MOCOS: variants seen among roughly 807,000 people sequenced by gnomAD.
MOCOS encodes human molybdenum cofactor sulfurase.
In MOCOS, 86 loss-of-function variants were observed where a neutral mutation model predicts 83.6. The ratio of observed to expected loss-of-function variants is 1.03; its 90% CI spans 0.86 to 1.23. The LOEUF (loss-of-function observed/expected upper bound fraction) is 1.23. Among genes scored for constraint, MOCOS ranks in the 50% most tolerant of loss-of-function variants. The pLI, the probability that MOCOS is intolerant of heterozygous loss-of-function variation, is 0.00. For synonymous variants in MOCOS, 445 were observed against 434.7 expected (o/e 1.02, Z -0.29); for missense variants, 1,120 against 1,126.9 (o/e 0.99, Z 0.09).
Position 36,195,289 on chromosome 18 carries a change from T to C in MOCOS, c.175T>C (p.Leu59=), listed in dbSNP as rs544078525. 1.9e-6 allele frequency: 3 copies of C among 1,614,210 alleles called. No homozygotes were observed. The East Asian group carries it at 6.7e-5, about 36-fold the overall frequency. ...TVYLDHAGAT[L]FSQSQLESFT... is the part of the protein sequence containing the mutation. ...CTATCTTGACCATGCAGGTGCCACC[T>C]TGTTCTCCCAGAGCCAGCTCGAAAG... Residue 59 remains leucine, a synonymous_variant, in exon 2 of 15, where the codon TTG becomes CTG. Transcript: ENST00000261326.
intron 6 of MOCOS, among the ~76,000 whole-genome samples, chr18:36,210,850 C>CAAAAAAAAAAAAAAAAAAAAAAAAAA (rs60856965): frequency 4.0e-4 from 19 of 48,064 alleles, no homozygotes; most frequent in Non-Finnish European, 5.7e-4. Context: ...GACTCTGTCT[C>CAAAAAAAAAAAAAAAAAAAAAAAAAA]AAAAAAAAAA....
rs916782002 is a variant in MOCOS, at chr18:36,269,069, C to T, written c.*384C>T. On this transcript the variant is annotated 3_prime_UTR_variant, in exon 15 of 15. Transcript: ENST00000261326. The stretch of plus-strand genomic sequence containing the variant: ...TTGTTTTTAGAGAGCATCTTTGGAT[C>T]TCTCCAACCCGTTTGTAGTGAGGAA... 3.6e-6 allele frequency: 1 copy of T among 274,684 alleles called. No individual in the cohort carries two copies. Among genetic ancestry groups the T allele is most frequent in the Non-Finnish European group, 7.0e-6 (1 of 142,076 alleles). 17.0% of individuals were successfully genotyped at this position (274,684 alleles called of 1,614,324 possible). A position where few individuals can be genotyped will look rare whatever the true frequency, so the allele number is the denominator to read the frequency against.
intron 4 of MOCOS, 52 bp from the exon 5 acceptor site, chr18:36,203,061 A>G: frequency 1.3e-6 from 2 of 1,538,722 alleles, no homozygotes; most frequent in East Asian, 2.2e-5. Flanking sequence ...CGAAATGCAC[A>G]TGGATTGTTT....
intron 5 of MOCOS, among the ~76,000 whole-genome samples, 154 bp from the exon 6 acceptor site, chr18:36,204,923 G>A (rs138388704): frequency 6.6e-6 from 1 of 150,550 alleles, no homozygotes; most frequent in Non-Finnish European, 1.5e-5. Context: ...AGCCCAGGAG[G>A]TTGAGGCTGC....
At chr18:36,201,221 C>T (rs376660696) in intron 4 of MOCOS, among the ~76,000 whole-genome samples, 1 of 152,186 alleles carries the variant, frequency 6.6e-6, no homozygotes, top group Non-Finnish European at 1.5e-5. Flanking sequence ...GGGTCCTGCA[C>T]GTAGGGCCAT....
chr18:36,241,719 C>A (rs965696071), intron 9 of MOCOS, among the ~76,000 whole-genome samples: 6 of 152,252 alleles, frequency 3.9e-5, no homozygotes, highest in African/African-American at 1.4e-4. Context: ...GTGCAGACTT[C>A]TGTCTGGATA....
At chr18:36,223,659 T>C (rs2144925302) in intron 9 of MOCOS, among the ~76,000 whole-genome samples, 1 of 152,332 alleles carries the variant, frequency 6.6e-6, no homozygotes, top group South Asian at 2.1e-4. Context: ...AGGGATTGCA[T>C]TGAATCTGCG....
intron 11 of MOCOS, among the ~76,000 whole-genome samples, chr18:36,251,707 TCTATAGAC>T (rs2091623067): frequency 6.6e-6 from 1 of 152,172 alleles, no homozygotes; most frequent in Non-Finnish European, 1.5e-5. Flanking sequence ...TGCCTCAACT[TCTATAGAC>T]CTCAGCTCCT....
At chr18:36,260,580 G>A (rs2091660347) in intron 13 of MOCOS, among the ~76,000 whole-genome samples, 2 of 152,114 alleles carry the variant, frequency 1.3e-5, no homozygotes, top group Non-Finnish European at 2.9e-5. Context: ...TTTGCCCATG[G>A]CCACCCACTC....
chr18:36,259,932 G>A (rs1054085913), intron 12 of MOCOS, 105 bp from the exon 13 acceptor site: 20 of 1,467,190 alleles, frequency 1.4e-5, no homozygotes, highest in Non-Finnish European at 1.9e-5. Context: ...GGCCACAGTA[G>A]AGCTGATGAA....
intron 9 of MOCOS, among the ~76,000 whole-genome samples, chr18:36,246,211 A>G (rs2144134423): frequency 6.6e-6 from 1 of 152,296 alleles, no homozygotes; most frequent in Admixed American, 6.5e-5. Flanking sequence ...GTTTTATCAT[A>G]TTACCAGAAT....
At chr18:36,218,406 A>G (rs561963904) in intron 8 of MOCOS, among the ~76,000 whole-genome samples, 1 of 152,162 alleles carries the variant, frequency 6.6e-6, no homozygotes, top group South Asian at 2.1e-4. Flanking sequence ...GGGTCTTCGA[A>G]AAAGCCAGCA....
chr18:36,248,871 A>T, intron 9 of MOCOS, 51 bp from the exon 10 acceptor site: 5 of 1,448,356 alleles, frequency 3.5e-6, no homozygotes, highest in Non-Finnish European at 4.8e-6. Flanking sequence ...GAAGTCAAGT[A>T]GCTGTTGTTT....
At chr18:36,240,826 A>G (rs1448516635) in intron 9 of MOCOS, among the ~76,000 whole-genome samples, 10 of 152,112 alleles carry the variant, frequency 6.6e-5, no homozygotes, top group Non-Finnish European at 1.2e-4. Context: ...TGCAGGATAT[A>G]ATCTCGTGGT....
At chr18:36,188,321 T>A (rs1425515109) in intron 1 of MOCOS, among the ~76,000 whole-genome samples, 3 of 152,216 alleles carry the variant, frequency 2.0e-5, no homozygotes, top group Non-Finnish European at 4.4e-5. Flanking sequence ...CAGTGCAATT[T>A]CACCTTTAAG....
At chr18:36,215,401 A>T in intron 7 of MOCOS, 115 bp from the exon 8 acceptor site, 2 of 940,388 alleles carry the variant, frequency 2.1e-6, no homozygotes, top group Non-Finnish European at 3.3e-6. Context: ...TTAATGTTGC[A>T]GTTCTGTTTT....
intron 9 of MOCOS, among the ~76,000 whole-genome samples, chr18:36,237,137 C>T (rs1295159617): frequency 7.1e-6 from 1 of 141,364 alleles, no homozygotes; most frequent in Non-Finnish European, 1.5e-5. Context: ...CTTCTCCTGC[C>T]TAATTGCCCT....
chr18:36,240,378 G>T (rs2091576572), intron 9 of MOCOS, among the ~76,000 whole-genome samples: 1 of 148,272 alleles, frequency 6.7e-6, no homozygotes, highest in African/African-American at 2.5e-5. Flanking sequence ...CTGCAGGTCT[G>T]TTGGAGTACC....
At chr18:36,252,422 C>T (rs763751283) in intron 11 of MOCOS, among the ~76,000 whole-genome samples, 5 of 152,088 alleles carry the variant, frequency 3.3e-5, no homozygotes, top group Admixed American at 2.0e-4. Context: ...GCCAAGTATG[C>T]TGGTGCATGC....
Sources: allele counts gnomAD v4.1 joint callset (sites outside exome capture counted in the v4.1 genomes callset), GRCh38; gene constraint gnomAD v4.1.1; transcripts MANE v1.5; gene names NCBI Gene and HGNC (gene_info 2026-07-23, HGNC 2026-07-21).